The following CIMAP1D variants were observed in gnomAD, a reference collection of about 807,000 sequenced individuals.
The protein encoded by CIMAP1D is protein CIMAP1D.
chr19:465,427 G>GTGAA, the CIMAP1D span, among the ~76,000 whole-genome samples: 103,772 of 126,770 alleles, frequency 0.82, 42,567 homozygotes, highest in East Asian at 0.98. Flanking sequence ...TGATGGGTAG[G>GTGAA]TGAGTAGATG....
the CIMAP1D span, among the ~76,000 whole-genome samples, chr19:484,388 G>A: frequency 3.9e-5 from 6 of 152,148 alleles, no homozygotes; most frequent in South Asian, 2.1e-4. Flanking sequence ...TGATCCGCCC[G>A]CCTTGGCCTC....
chr19:467,500 C>CCCT, the CIMAP1D span: 4 of 674,016 alleles, frequency 5.9e-6, no homozygotes, highest in Non-Finnish European at 1.1e-5. Flanking sequence ...CAGTGGCGGC[C>CCCT]CCTCCTCCGT....
At chr19:481,517 G>C in the CIMAP1D span, among the ~76,000 whole-genome samples, 1 of 139,980 alleles carries the variant, frequency 7.1e-6, no homozygotes, top group African/African-American at 2.7e-5. Flanking sequence ...TGATGGGGAA[G>C]GATGATGGGG....
the CIMAP1D span, chr19:463,895 G>A: frequency 6.2e-7 from 1 of 1,611,252 alleles, no homozygotes; most frequent in South Asian, 1.1e-5. Context: ...AGGGCGTGGT[G>A]GCGGCCATGG....
chr19:474,580 G>A, the CIMAP1D span: 3 of 1,454,362 alleles, frequency 2.1e-6, no homozygotes, highest in South Asian at 4.3e-5. Context: ...GGGGAGTGGA[G>A]CAGGAAAAGG....
chr19:474,794 C>A, the CIMAP1D span: 1 of 1,385,068 alleles, frequency 7.2e-7, no homozygotes, highest in East Asian at 2.8e-5. Flanking sequence ...CCTGGTGCTA[C>A]CTTCTGAGCC....
the CIMAP1D span, among the ~76,000 whole-genome samples, chr19:488,119 G>A: frequency 1.3e-5 from 2 of 152,160 alleles, no homozygotes; most frequent in African/African-American, 4.8e-5. Flanking sequence ...CGGCTCTTGG[G>A]ACAGGAGTCT....
the CIMAP1D span, among the ~76,000 whole-genome samples, chr19:476,999 G>A: frequency 6.6e-6 from 1 of 152,174 alleles, no homozygotes; most frequent in South Asian, 2.1e-4. Flanking sequence ...TTCAGCTCAG[G>A]AGTTCAAGAC....
the CIMAP1D span, chr19:472,568 G>C: frequency 8.4e-7 from 1 of 1,188,258 alleles, no homozygotes; most frequent in Non-Finnish European, 1.2e-6. Context: ...CCTGGACCCA[G>C]CTCCTGAGCC....
the CIMAP1D span, among the ~76,000 whole-genome samples, chr19:475,920 C>T: frequency 1.3e-5 from 2 of 150,280 alleles, no homozygotes; most frequent in East Asian, 1.9e-4. Context: ...ATTACAGGCA[C>T]CCGCCACCAC....
the CIMAP1D span, among the ~76,000 whole-genome samples, chr19:483,878 A>G: frequency 5.3e-5 from 8 of 152,162 alleles, no homozygotes; most frequent in Non-Finnish European, 1.0e-4. Flanking sequence ...CTGTAAAGCC[A>G]GGCCCCGCTT....
the CIMAP1D span, among the ~76,000 whole-genome samples, chr19:473,662 G>A: frequency 3.5e-4 from 40 of 112,926 alleles, no homozygotes; most frequent in South Asian, 1.9e-3. Context: ...CAGATGGGGA[G>A]ACTGAGGCCC....
At chr19:475,691 G>T in the CIMAP1D span, among the ~76,000 whole-genome samples, 2 of 152,106 alleles carry the variant, frequency 1.3e-5, no homozygotes, top group African/African-American at 4.8e-5. Context: ...GCTCCAAGAA[G>T]AGGCTCAGAA....
chr19:482,242 C>A, the CIMAP1D span, among the ~76,000 whole-genome samples: 1 of 152,310 alleles, frequency 6.6e-6, no homozygotes, highest in Non-Finnish European at 1.5e-5. Context: ...CCCAGCCTGG[C>A]ATGTTTTGCA....
At chr19:483,212 C>T in the CIMAP1D span, among the ~76,000 whole-genome samples, 3 of 151,894 alleles carry the variant, frequency 2.0e-5, no homozygotes, top group Non-Finnish European at 2.9e-5. Context: ...CTGACTGCTG[C>T]TCTCCACCTC....
At chr19:471,297 T>C in the CIMAP1D span, among the ~76,000 whole-genome samples, 85 of 149,582 alleles carry the variant, frequency 5.7e-4, no homozygotes, top group Non-Finnish European at 9.5e-4. Context: ...TACAGGCGCC[T>C]GCAACCACGC....
At chr19:486,158 GAC>G in the CIMAP1D span, among the ~76,000 whole-genome samples, 1 of 152,218 alleles carries the variant, frequency 6.6e-6, no homozygotes, top group African/African-American at 2.4e-5. Flanking sequence ...TCATGTTACA[GAC>G]GAGGACACCG....
At chr19:485,110 A>G in the CIMAP1D span, among the ~76,000 whole-genome samples, 2 of 151,868 alleles carry the variant, frequency 1.3e-5, no homozygotes, top group Admixed American at 6.6e-5. Flanking sequence ...AGGGTCCTGG[A>G]AGGGCGGGTG....
chr19:484,698 C>G, the CIMAP1D span, among the ~76,000 whole-genome samples: 5 of 151,892 alleles, frequency 3.3e-5, no homozygotes, highest in African/African-American at 1.2e-4. Context: ...CCGCACCTGG[C>G]GAGGCGGAGG....
Sources: gnomAD v4.1 joint callset for allele counts (sites outside exome capture counted in the v4.1 genomes callset) on GRCh38, gnomAD v4.1.1 for gene constraint, MANE v1.5 for transcripts, NCBI Gene and HGNC (gene_info 2026-07-23, HGNC 2026-07-21) for gene names.